The following ADAMTS20 variants were observed in gnomAD, a reference collection of about 807,000 sequenced individuals.
The protein encoded by ADAMTS20 is A disintegrin and metalloproteinase with thrombospondin motifs 20.
A neutral mutation model predicts 260.1 loss-of-function variants in ADAMTS20; 225 were observed. The ratio of observed to expected loss-of-function variants is 0.87; its 90% CI spans 0.78 to 0.97. ADAMTS20 has a LOEUF of 0.97. Ranked by LOEUF, ADAMTS20 falls within the 50% of genes least tolerant of loss-of-function variation. ADAMTS20 has a pLI of 0.00. For missense variants in ADAMTS20, 2,400 were observed against 2,337.7 expected (o/e 1.03, Z -0.55); for synonymous variants, 802 against 769.5 (o/e 1.04, Z -0.70).
At chr12:43,539,710 C>A (rs1943349640) in intron 2 of ADAMTS20, among the ~76,000 whole-genome samples, 1 of 152,068 alleles carries the variant, frequency 6.6e-6, no homozygotes, top group Admixed American at 6.6e-5. Context: ...CATGGAAAAT[C>A]CTTTTCTGCC....
chr12:43,360,077 C>CCAGA (rs1217937200), intron 37 of ADAMTS20, among the ~76,000 whole-genome samples: 1 of 144,156 alleles, frequency 6.9e-6, no homozygotes, highest in Non-Finnish European at 1.5e-5. Context: ...CAACAGAAGA[C>CCAGA]CAGAACATAT....
At chr12:43,529,345 A>C (rs1943189512) in intron 3 of ADAMTS20, among the ~76,000 whole-genome samples, 1 of 152,170 alleles carries the variant, frequency 6.6e-6, no homozygotes, top group South Asian at 2.1e-4. Flanking sequence ...AAAGAGACAC[A>C]TGCACACATA....
chr12:43,381,300 A>G (rs1940344905), intron 31 of ADAMTS20, among the ~76,000 whole-genome samples: 1 of 152,162 alleles, frequency 6.6e-6, no homozygotes, highest in African/African-American at 2.4e-5. Context: ...AGCATGAAGT[A>G]GGCAATAGTT....
intron 18 of ADAMTS20, among the ~76,000 whole-genome samples, chr12:43,437,046 G>T (rs921984541): frequency 1.3e-5 from 2 of 152,068 alleles, no homozygotes; most frequent in Admixed American, 6.6e-5. Context: ...ACAGCGCAAG[G>T]TCAGTAGACA....
intron 7 of ADAMTS20, among the ~76,000 whole-genome samples, chr12:43,470,983 C>T (rs957350488): frequency 1.3e-5 from 2 of 152,150 alleles, no homozygotes. Flanking sequence ...CGGGGAGGAG[C>T]CAAGATGGCC....
intron 8 of ADAMTS20, among the ~76,000 whole-genome samples, chr12:43,467,086 C>T (rs970002576): frequency 3.3e-5 from 5 of 151,938 alleles, no homozygotes; most frequent in Non-Finnish European, 5.9e-5. Flanking sequence ...ATAAAAGTGC[C>T]TGCAGGTTCA....
At chr12:43,437,041 G>A (rs528940816) in intron 18 of ADAMTS20, among the ~76,000 whole-genome samples, 2 of 152,134 alleles carry the variant, frequency 1.3e-5, no homozygotes, top group African/African-American at 2.4e-5. Context: ...AACAAACAGC[G>A]CAAGGTCAGT....
intron 23 of ADAMTS20, 31 bp from the exon 24 acceptor site, chr12:43,429,755 C>A: frequency 7.2e-7 from 1 of 1,382,082 alleles, no homozygotes; most frequent in Admixed American, 2.4e-5. Context: ...TCTCGTAAAA[C>A]ATTAATTAAT....
At chr12:43,446,168 T>C (rs1179709385) in intron 15 of ADAMTS20, among the ~76,000 whole-genome samples, 2 of 152,136 alleles carry the variant, frequency 1.3e-5, no homozygotes, top group Non-Finnish European at 2.9e-5. Context: ...ATGTAACAGA[T>C]AGGTCAAGTC....
intron 4 of ADAMTS20, among the ~76,000 whole-genome samples, chr12:43,501,771 A>T (rs1276397335): frequency 6.6e-6 from 1 of 152,174 alleles, no homozygotes; most frequent in African/African-American, 2.4e-5. Flanking sequence ...CCATAATAAA[A>T]ATAGTATCTT....
intron 28 of ADAMTS20, among the ~76,000 whole-genome samples, chr12:43,413,937 TATTCTTTCGTTTTAAC>T (rs1941080343): frequency 6.6e-6 from 1 of 152,170 alleles, no homozygotes. Flanking sequence ...ACCACATGTA[TATTCTTTCGTTTTAAC>T]ATTTTTTAAC....
chr12:43,462,849 CT>C, intron 11 of ADAMTS20, 45 bp downstream of exon 11: 2 of 1,482,804 alleles, frequency 1.3e-6, no homozygotes, highest in Non-Finnish European at 1.8e-6. Flanking sequence ...CAATCACATC[CT>C]TGGATAATAT....
At chr12:43,363,809 G>T (rs1411932613) in intron 37 of ADAMTS20, among the ~76,000 whole-genome samples, 1 of 152,176 alleles carries the variant, frequency 6.6e-6, no homozygotes, top group Admixed American at 6.5e-5. Context: ...AGGCAGCTAA[G>T]AAAGGCTCTT....
chr12:43,541,636 A>T (rs540276635), intron 2 of ADAMTS20, among the ~76,000 whole-genome samples: 81 of 152,362 alleles, frequency 5.3e-4, no homozygotes, highest in African/African-American at 1.9e-3. Context: ...TTATAACACC[A>T]TTAATCATGC....
At chr12:43,461,782 G>A (rs1343401802) in intron 11 of ADAMTS20, among the ~76,000 whole-genome samples, 1 of 151,596 alleles carries the variant, frequency 6.6e-6, no homozygotes, top group Non-Finnish European at 1.5e-5. Flanking sequence ...CAGGAACCGA[G>A]AAAAAAATAA....
At chr12:43,468,764 A>T in intron 7 of ADAMTS20, 59 bp from the exon 8 acceptor site, 6 of 1,008,470 alleles carry the variant, frequency 5.9e-6, no homozygotes, top group Non-Finnish European at 9.0e-6. Context: ...AATCATAAAG[A>T]ACTTAATTTT....
intron 29 of ADAMTS20, among the ~76,000 whole-genome samples, chr12:43,398,092 T>G (rs1940740333): frequency 6.6e-6 from 1 of 152,146 alleles, no homozygotes; most frequent in African/African-American, 2.4e-5. Context: ...GATGGGTGTC[T>G]TTTTCCTTTT....
intron 28 of ADAMTS20, among the ~76,000 whole-genome samples, chr12:43,417,211 A>AGT (rs1329494818): frequency 2.6e-5 from 4 of 152,134 alleles, no homozygotes; most frequent in Non-Finnish European, 5.9e-5. Context: ...ACTACTTCTA[A>AGT]GACCTCTGGG....
At chr12:43,482,082 G>A (rs1182326992) in intron 7 of ADAMTS20, among the ~76,000 whole-genome samples, 1 of 152,006 alleles carries the variant, frequency 6.6e-6, no homozygotes, top group Non-Finnish European at 1.5e-5. Flanking sequence ...ATATGAGAAG[G>A]AACGGCATCA....
Sources: gnomAD v4.1 joint callset for allele counts (sites outside exome capture counted in the v4.1 genomes callset) on GRCh38, gnomAD v4.1.1 for gene constraint, MANE v1.5 for transcripts, NCBI Gene and HGNC (gene_info 2026-07-23, HGNC 2026-07-21) for gene names.